The following FBXO38 variants were observed in gnomAD, a reference collection of about 807,000 sequenced individuals.
The protein encoded by FBXO38 is F-box protein 38, also known as F-box only protein 38.
In FBXO38, 53 loss-of-function variants were observed where a neutral mutation model predicts 131.9. That is an observed-to-expected ratio of 0.40 (90% CI 0.32 to 0.51). FBXO38 has a LOEUF of 0.51. Ranked by LOEUF, FBXO38 falls within the 20% of genes least tolerant of loss-of-function variation. The probability of loss-of-function intolerance (pLI) is 0.53; values close to 1 mark genes in which losing one functional copy is unlikely to be tolerated. For synonymous variants in FBXO38, 452 were observed against 505.6 expected (o/e 0.89, Z 1.42); for missense variants, 1,076 against 1,475.6 (o/e 0.73, Z 4.44).
chr5:148,420,340 T>G (rs1324176157), intron 12 of FBXO38, among the ~76,000 whole-genome samples: 1 of 152,028 alleles, frequency 6.6e-6, no homozygotes, highest in Non-Finnish European at 1.5e-5. Flanking sequence ...TCGCCCAGTC[T>G]GGTCTCAAAC....
In FBXO38 at chr5:148,427,249, A is replaced by G; in HGVS notation, c.1955A>G (p.Tyr652Cys). The change falls in exon 15 of 22, where the codon TAC (tyrosine) becomes TGC (cysteine). Residue 652 changes from tyrosine to cysteine, a missense_variant. Transcript: ENST00000340253. ...GKGKTPLRKR[Y>C]NSHQMGQSKQ... is the part of the protein sequence containing the mutation. ...GGCAAGACTCCACTTCGAAAGAGGTACAACTCCCATCAGATGGGCCAGTCG... is the reference window on the plus strand; with the variant it reads ...GGCAAGACTCCACTTCGAAAGAGGTGCAACTCCCATCAGATGGGCCAGTCG... The G allele has an allele frequency of 6.2e-7, 1 of 1,613,652 alleles. No individual in the cohort carries two copies. Among genetic ancestry groups the G allele is most frequent in the African/African-American group, 1.3e-5 (1 of 75,030 alleles).
In FBXO38 at chr5:148,441,295, C is replaced by T; in HGVS notation, c.3388+58C>T. On this transcript the variant is annotated intron_variant, in intron 21 of 21. Coordinates refer to ENST00000340253, the MANE Select transcript of FBXO38 (RefSeq NM_205836.3). ...AGTTTAAGTATAGCCTACTGTGTTA[C>T]ATACTTAATATCTTTTTGTGAGTTA... 3 of 1,216,110 alleles carry T rather than the reference C, an allele frequency of 2.5e-6. No homozygotes were observed. In the South Asian group the frequency reaches 3.8e-5, roughly 15 times the overall value. The allele number at this position is 1,216,110 out of a possible 1,614,324, so 75.3% of individuals were successfully genotyped here. A position where few individuals can be genotyped will look rare whatever the true frequency, so the allele number is the denominator to read the frequency against.
intron 15 of FBXO38, among the ~76,000 whole-genome samples, chr5:148,432,074 C>A (rs1177380017): frequency 6.6e-6 from 1 of 152,018 alleles, no homozygotes; most frequent in African/African-American, 2.4e-5. Flanking sequence ...TTTTTGTGAT[C>A]TTTCATGTTT....
chr5:148,395,246 C>T (rs770349771), intron 2 of FBXO38, among the ~76,000 whole-genome samples: 3 of 152,130 alleles, frequency 2.0e-5, no homozygotes, highest in Non-Finnish European at 2.9e-5. Flanking sequence ...TGCATTATAA[C>T]AGTACTGTGT....
intron 16 of FBXO38, 43 bp from the exon 17 acceptor site, chr5:148,433,591 TA>T (rs1754166015): frequency 1.3e-6 from 2 of 1,553,510 alleles, no homozygotes. Flanking sequence ...GCACATAAAC[TA>T]AAGTTTGTAT....
chr5:148,433,129 G>C, intron 15 of FBXO38: 1 of 245,726 alleles, frequency 4.1e-6, no homozygotes, highest in East Asian at 9.9e-5. Context: ...TTCACCAATA[G>C]TATTTAGGAT....
intron 1 of FBXO38, among the ~76,000 whole-genome samples, chr5:148,393,188 G>GGGGTGTGTGTGTGT (rs1420907423): frequency 4.7e-5 from 6 of 127,082 alleles, no homozygotes; most frequent in East Asian, 2.4e-4. Context: ...ACAGAAGAGG[G>GGGGTGTGTGTGTGT]GTGTGTGTGT....
rs547180855 is a variant in FBXO38, at chr5:148,412,303, A to G, written c.1093+1538A>G. On this transcript the variant is annotated intron_variant, in intron 9 of 21. Transcript: ENST00000340253. ...CTCTGTTTCAGAATAGGTGCCTGGTACTTGTTATGGACGATATCATGAGGT... is the reference window on the plus strand; with the variant it reads ...CTCTGTTTCAGAATAGGTGCCTGGTGCTTGTTATGGACGATATCATGAGGT... Among the ~76,000 whole-genome samples, 18 of 152,238 alleles carry G rather than the reference A, an allele frequency of 1.2e-4. No homozygotes were observed. The South Asian group carries it at 3.1e-3, about 26-fold the overall frequency.
intron 13 of FBXO38, among the ~76,000 whole-genome samples, chr5:148,424,640 A>G (rs1753618215): frequency 6.6e-6 from 1 of 152,198 alleles, no homozygotes; most frequent in African/African-American, 2.4e-5. Flanking sequence ...AGTTTAAATG[A>G]TGTGCTCAAC....
chr5:148,439,382 A>G (rs1312830298), intron 18 of FBXO38, among the ~76,000 whole-genome samples: 1 of 152,226 alleles, frequency 6.6e-6, no homozygotes, highest in East Asian at 1.9e-4. Context: ...GACTGACGTC[A>G]TTTATCTCAA....
At chr5:148,394,597 G>T in intron 1 of FBXO38, 117 bp from the exon 2 acceptor site, 1 of 365,586 alleles carries the variant, frequency 2.7e-6, no homozygotes, top group Non-Finnish European at 4.9e-6. Flanking sequence ...TAATTTGAAT[G>T]TGATGTGTAC....
At position 148,402,402 on chromosome 5, in the gene FBXO38, C is replaced by T. The variant is rs1244178138; in HGVS notation, c.481C>T (p.His161Tyr). ...LVESIWTYMP[H>Y]VHILGKFRNR... The stretch of plus-strand genomic sequence containing the variant: ...AGAATCCATTTGGACATATATGCCC[C>T]ATGTTCATATTTTGGGGAAATTTCG... The change falls in exon 5 of 22, where the codon CAT becomes TAT. Residue 161 changes from histidine (H) to tyrosine (Y), a missense_variant. Coordinates refer to ENST00000340253, the MANE Select transcript of FBXO38 (RefSeq NM_205836.3). 11 of 1,613,000 alleles carry T rather than the reference C, an allele frequency of 6.8e-6. No homozygotes were observed. The highest frequency in any genetic ancestry group is 9.3e-6 in the Non-Finnish European group (11 of 1,179,296).
intron 1 of FBXO38, chr5:148,389,870 A>G (rs10428589): frequency 6.6e-6 from 1 of 152,226 alleles, no homozygotes; most frequent in African/African-American, 2.4e-5. Flanking sequence ...CTCTACTAAA[A>G]ATACAAAAAT....
At chr5:148,385,293 G>A (rs1452022131) in intron 1 of FBXO38, among the ~76,000 whole-genome samples, 1 of 152,148 alleles carries the variant, frequency 6.6e-6, no homozygotes, top group Non-Finnish European at 1.5e-5. Flanking sequence ...TTAAATGGCT[G>A]TGTGCCCAGA....
chr5:148,392,364 A>G (rs951573319), intron 1 of FBXO38, among the ~76,000 whole-genome samples: 78 of 152,232 alleles, frequency 5.1e-4, no homozygotes, highest in African/African-American at 1.7e-3. Flanking sequence ...AGTAAAACAC[A>G]TTAGGGAAAT....
chr5:148,427,343 C>T lies in FBXO38; in HGVS notation c.2049C>T (p.Ala683=), dbSNP rs1298821327. ...GCQVTSEQIK[A]DMKAARDIPE... ...AGGTCACCAGTGAGCAGATCAAAGC[C>T]GATATGAAAGCAGCTAGGGATATTC... Residue 683 remains alanine, a synonymous_variant, in exon 15 of 22, where the codon GCC becomes GCT. Transcript: ENST00000340253. 14 of 1,613,848 alleles carry T rather than the reference C, an allele frequency of 8.7e-6. No homozygotes were observed. Among genetic ancestry groups the T allele is most frequent in the Middle Eastern group, 1.6e-4 (1 of 6,084 alleles).
Position 148,439,777 on chromosome 5 carries a change from T to C in FBXO38, c.3155T>C (p.Ile1052Thr), listed in dbSNP as rs926994526. ...KVRIRSWMDT[I>T]ANINQELIKY... ...CGCATTCGCAGCTGGATGGACACTA[T>C]AGCAAACATCAATCAGTAAGTAACT... The change falls in exon 19 of 22, where the codon ATA (isoleucine) becomes ACA (threonine). Residue 1052 changes from isoleucine (I) to threonine (T), a missense_variant. By Grantham distance (89) the Ile-to-Thr change is moderately conservative. Coordinates refer to ENST00000340253, the MANE Select transcript of FBXO38 (RefSeq NM_205836.3). The C allele has an allele frequency of 6.2e-7, 1 of 1,614,016 alleles. No homozygotes were observed. Among genetic ancestry groups the C allele is most frequent in the South Asian group, 1.1e-5 (1 of 91,084 alleles).
rs188603102 is a variant in FBXO38 at position 148,438,971 on chromosome 5, T to A, written c.3024+473T>A. On this transcript the variant is annotated intron_variant, in intron 18 of 21. Transcript: ENST00000340253. ...TCTGTGCTTAATGCCAAAAGAGGGT[T>A]TAAAGGAAATTTTAAATGCCTCTTT... 1.2e-4 allele frequency among the ~76,000 whole-genome samples: 19 copies of A among 152,274 alleles called. No individual in the cohort carries two copies. The East Asian group carries it at 3.5e-3, about 28-fold the overall frequency.
chr5:148,425,608 C>T lies in FBXO38; in HGVS notation c.1825C>T (p.Leu609Phe). 6.2e-7 allele frequency: 1 copy of T among 1,613,780 alleles called. No individual in the cohort carries two copies. The highest frequency in any genetic ancestry group is 8.5e-7 in the Non-Finnish European group (1 of 1,179,704). ...ESDDEEDSLE[L>F]QEVWIPKNGT... ...TGATGATGAAGAAGATAGTCTAGAA[C>T]TCCAAGAAGTCTGGATTCCTAAGAA... Residue 609 changes from leucine to phenylalanine, a missense_variant, in exon 14 of 22, where the codon CTC becomes TTC. This residue lies in a region of FBXO38 where 212 missense variants were observed against 221.2 expected (regional missense o/e 0.96). Coordinates refer to ENST00000340253, the MANE Select transcript of FBXO38 (RefSeq NM_205836.3).
Sources: gnomAD v4.1 joint callset for allele counts (sites outside exome capture counted in the v4.1 genomes callset) on GRCh38, gnomAD v4.1.1 for gene constraint, gnomAD v4.1.1 regional missense constraint, MANE v1.5 for transcripts, NCBI Gene and HGNC (gene_info 2026-07-23, HGNC 2026-07-21) for gene names.